The following CNTN6 variants were observed in gnomAD, a reference collection of about 807,000 sequenced individuals.
The protein encoded by CNTN6 is contactin-6.
Under a neutral mutation model 122.8 loss-of-function variants are expected in CNTN6, and 137 were observed. The observed-to-expected ratio is 1.12, with a 90% CI of 0.97 to 1.29. The LOEUF (loss-of-function observed/expected upper bound fraction) is 1.29. Among genes scored for constraint, CNTN6 ranks in the 50% most tolerant of loss-of-function variants. The pLI, the probability that CNTN6 is intolerant of heterozygous loss-of-function variation, is 0.00. For missense variants in CNTN6, 1,634 were observed against 1,223.4 expected, an observed-to-expected ratio of 1.34 and a Z score of -5.01; for synonymous variants, 570 against 426.0, an observed-to-expected ratio of 1.34 and a Z score of -4.16.
chr3:1,292,612 A>C (rs1415310053), intron 5 of CNTN6, among the ~76,000 whole-genome samples: 1 of 152,182 alleles, frequency 6.6e-6, no homozygotes, highest in Admixed American at 6.5e-5. Context: ...CAGTGCCTGC[A>C]TAAAACATAA....
chr3:1,260,723 A>C (rs1377565627), intron 4 of CNTN6, among the ~76,000 whole-genome samples: 1 of 151,918 alleles, frequency 6.6e-6, no homozygotes, highest in African/African-American at 2.4e-5. Flanking sequence ...TCTCTTGATA[A>C]TGAGTTCTCA....
At position 1,374,067 on chromosome 3, in the gene CNTN6, G is replaced by A; in HGVS notation, c.2089G>A (p.Ala697Thr). 1 of 1,612,284 alleles carries A rather than the reference G, an allele frequency of 6.2e-7. No individual in the cohort carries two copies. Among genetic ancestry groups the A allele is most frequent in the South Asian group, 1.1e-5 (1 of 90,994 alleles). Reference protein sequence around the residue: ...SEPSELLRTKASVPVVAPVNI... With the variant: ...SEPSELLRTKTSVPVVAPVNI... ...ACCATCAGAATTGTTAAGAACTAAA[G>A]CATCAGGTAAAGAATCAATGTGTTC... is the stretch of plus-strand genomic sequence containing the variant. The change falls in exon 16 of 23, where the codon GCA becomes ACA. Residue 697 changes from alanine to threonine, a missense_variant. Physicochemically the swap from Ala to Thr is moderately conservative, Grantham distance 58 (BLOSUM62 0). Transcript: ENST00000446702.
At chr3:1,138,358 T>G (rs2125127769) in intron 1 of CNTN6, among the ~76,000 whole-genome samples, 1 of 152,268 alleles carries the variant, frequency 6.6e-6, no homozygotes, top group Admixed American at 6.5e-5. Context: ...TCTGCTTTTT[T>G]TTTTTCCAAA....
intron 20 of CNTN6, among the ~76,000 whole-genome samples, chr3:1,393,569 AAAAAAG>A (rs201159570): frequency 7.5e-4 from 109 of 144,410 alleles, no homozygotes; most frequent in South Asian, 4.1e-3. Flanking sequence ...AAAAAAAAAA[AAAAAAG>A]AAACTCTTGT....
intron 1 of CNTN6, among the ~76,000 whole-genome samples, chr3:1,144,200 G>T (rs1010376753): frequency 6.6e-6 from 1 of 152,092 alleles, no homozygotes; most frequent in Non-Finnish European, 1.5e-5. Context: ...TGGAGTCTTT[G>T]GTAAGTGCAA....
intron 7 of CNTN6, among the ~76,000 whole-genome samples, chr3:1,311,602 AAGTC>A (rs1699329532): frequency 1.3e-5 from 2 of 149,952 alleles, no homozygotes; most frequent in South Asian, 4.2e-4. Flanking sequence ...AAGTTTGAAA[AAGTC>A]AGATATACTC....
intron 1 of CNTN6, among the ~76,000 whole-genome samples, chr3:1,134,720 G>T (rs549961453): frequency 6.6e-6 from 1 of 151,644 alleles, no homozygotes; most frequent in Non-Finnish European, 1.5e-5. Flanking sequence ...TGTTTTCCGG[G>T]TAGTTTAAAA....
chr3:1,205,815 A>T (rs2093950253), intron 2 of CNTN6, among the ~76,000 whole-genome samples: 1 of 152,204 alleles, frequency 6.6e-6, no homozygotes, highest in South Asian at 2.1e-4. Context: ...GTATAAATAG[A>T]TGCAGAACAG....
chr3:1,335,192 G>A (rs1427608588), intron 11 of CNTN6, among the ~76,000 whole-genome samples: 2 of 152,138 alleles, frequency 1.3e-5, no homozygotes, highest in East Asian at 3.9e-4. Flanking sequence ...TCTCTCTGAT[G>A]AGGTTATAAG....
At chr3:1,160,367 T>TATATATATATATATATATATATAC (rs1491110079) in intron 2 of CNTN6, among the ~76,000 whole-genome samples, 107 of 112,422 alleles carry the variant, frequency 9.5e-4, no homozygotes, top group African/African-American at 2.6e-3. Context: ...TATATATATA[T>TATATATATATATATATATATATAC]ACACACTACC....
chr3:1,347,265 C>T (rs1280558852), intron 11 of CNTN6, among the ~76,000 whole-genome samples: 1 of 152,158 alleles, frequency 6.6e-6, no homozygotes, highest in East Asian at 1.9e-4. Flanking sequence ...CCTTTAAATT[C>T]TAATTTTACA....
At chr3:1,325,691 G>C in intron 8 of CNTN6, 124 bp from the exon 9 acceptor site, 1 of 880,174 alleles carries the variant, frequency 1.1e-6, no homozygotes, top group Non-Finnish European at 1.7e-6. Context: ...CTCAAATCGT[G>C]TGTGTGCAAT....
At chr3:1,349,524 GA>G (rs959307267) in intron 11 of CNTN6, among the ~76,000 whole-genome samples, 67 of 151,622 alleles carry the variant, frequency 4.4e-4, no homozygotes, top group African/African-American at 1.5e-3. Flanking sequence ...AAGAAGAATA[GA>G]AAAAAATCAG....
intron 5 of CNTN6, among the ~76,000 whole-genome samples, chr3:1,290,866 G>A (rs1695207175): frequency 6.6e-6 from 1 of 152,114 alleles, no homozygotes; most frequent in African/African-American, 2.4e-5. Flanking sequence ...TGGTGTTGGT[G>A]GGTTTTAGCT....
At chr3:1,348,674 G>C (rs947845483) in intron 11 of CNTN6, among the ~76,000 whole-genome samples, 5 of 152,066 alleles carry the variant, frequency 3.3e-5, no homozygotes, top group African/African-American at 1.2e-4. Flanking sequence ...TTTTGGAAGT[G>C]AACTAAAACG....
intron 11 of CNTN6, among the ~76,000 whole-genome samples, chr3:1,348,868 CATTT>C (rs1208467589): frequency 2.6e-5 from 4 of 152,028 alleles, no homozygotes; most frequent in East Asian, 1.9e-4. Context: ...GATGAGTTGA[CATTT>C]ATTACACACT....
chr3:1,101,330 G>T (rs969478271), intron 1 of CNTN6, among the ~76,000 whole-genome samples: 4 of 152,034 alleles, frequency 2.6e-5, no homozygotes, highest in African/African-American at 9.7e-5. Flanking sequence ...CTCTCCATTT[G>T]GTGCCTCTGA....
At chr3:1,393,862 T>C (rs1023694038) in intron 20 of CNTN6, among the ~76,000 whole-genome samples, 2 of 152,020 alleles carry the variant, frequency 1.3e-5, no homozygotes, top group East Asian at 3.9e-4. Flanking sequence ...AAATTCTTAT[T>C]GAGATTTTCT....
At chr3:1,161,879 T>C (rs2093142823) in intron 2 of CNTN6, among the ~76,000 whole-genome samples, 2 of 152,240 alleles carry the variant, frequency 1.3e-5, no homozygotes, top group East Asian at 1.9e-4. Flanking sequence ...CTAAATGATA[T>C]TGTAATTGTT....
Sources: allele counts gnomAD v4.1 joint callset (sites outside exome capture counted in the v4.1 genomes callset), GRCh38; gene constraint gnomAD v4.1.1; transcripts MANE v1.5; gene names NCBI Gene and HGNC (gene_info 2026-07-23, HGNC 2026-07-21).